Variants in RBFOX1 observed in about 807,000 individuals in gnomAD.
RBFOX1 encodes RNA binding fox-1 homolog 1.
Under a neutral mutation model 57.7 loss-of-function variants are expected in RBFOX1, and 8 were observed. The observed-to-expected ratio is 0.14, with a 90% confidence interval of 0.08 to 0.25. The LOEUF is 0.25. Among genes scored for constraint, RBFOX1 ranks in the 10% least tolerant of loss-of-function variants. The pLI, the probability that RBFOX1 is intolerant of heterozygous loss-of-function variation, is 1.00. For synonymous variants in RBFOX1, 326 were observed against 222.4 expected (o/e 1.47, Z -4.15); for missense variants, 611 against 548.5 (o/e 1.11, Z -1.14).
At chr16:6,501,807 C>T (rs1598364506) in intron 2 of RBFOX1, among the ~76,000 whole-genome samples, 1 of 144,792 alleles carries the variant, frequency 6.9e-6, no homozygotes, top group Non-Finnish European at 1.5e-5. Context: ...CCTCCAGGCT[C>T]TTTGCTGACA....
At chr16:6,307,527 A>G (rs940007640) in intron 1 of RBFOX1, among the ~76,000 whole-genome samples, 1 of 136,266 alleles carries the variant, frequency 7.3e-6, no homozygotes, top group Admixed American at 7.5e-5. Flanking sequence ...TCATTATATA[A>G]TATCATTTAA....
rs555069700 is a variant in RBFOX1 at position 7,109,727 on chromosome 16, G to C, written c.27+57629G>C. Among the ~76,000 whole-genome samples, 28 of 152,232 alleles carry C rather than the reference G, an allele frequency of 1.8e-4. No homozygotes were observed. The South Asian group carries it at 5.6e-3, about 30-fold the overall frequency. ...AAGGGTCTTGAGGTGGAAAAGAAGA[G>C]GGGTCATTCCAGATCCAAAAAATCG... On this transcript the variant is annotated intron_variant, in intron 4 of 15. Transcript: ENST00000550418.
chr16:7,052,569 TG>T, intron 4 of RBFOX1, among the ~76,000 whole-genome samples: 2 of 152,164 alleles, frequency 1.3e-5, no homozygotes, highest in Non-Finnish European at 2.9e-5. Flanking sequence ...TTGGTTTTAG[TG>T]ACATTTGTGT....
chr16:7,331,938 G>A (rs889341300), intron 4 of RBFOX1, among the ~76,000 whole-genome samples: 3 of 152,132 alleles, frequency 2.0e-5, no homozygotes, highest in African/African-American at 4.8e-5. Flanking sequence ...GTGCTTGAAT[G>A]TATTTTTTAT....
chr16:5,830,808 A>T (rs2056238895), intron 3 of RBFOX1, among the ~76,000 whole-genome samples: 2 of 152,128 alleles, frequency 1.3e-5, no homozygotes, highest in African/African-American at 4.8e-5. Flanking sequence ...TTTTATAAAT[A>T]GCTCAGGGTC....
chr16:7,374,535 C>T (rs7188141), intron 4 of RBFOX1, among the ~76,000 whole-genome samples: 1 of 152,020 alleles, frequency 6.6e-6, no homozygotes, highest in Non-Finnish European at 1.5e-5. Context: ...CTCAAGGAAT[C>T]TACCTGGCTC....
intron 2 of RBFOX1, among the ~76,000 whole-genome samples, chr16:5,530,472 T>G (rs1475967224): frequency 6.6e-6 from 1 of 152,190 alleles, no homozygotes; most frequent in Non-Finnish European, 1.5e-5. Flanking sequence ...GGACATGCAT[T>G]TCACCTCTAC....
chr16:6,787,994 G>C (rs184899866), intron 3 of RBFOX1, among the ~76,000 whole-genome samples: 1 of 81,832 alleles, frequency 1.2e-5, no homozygotes, highest in African/African-American at 2.8e-5. Flanking sequence ...AGTCCGAGGT[G>C]GGGGGACCGC....
intron 1 of RBFOX1, among the ~76,000 whole-genome samples, chr16:6,226,214 A>G (rs1011388715): frequency 1.3e-5 from 2 of 151,080 alleles, no homozygotes; most frequent in Non-Finnish European, 3.0e-5. Context: ...AAAAAAAAAA[A>G]AAAAAAAAAT....
intron 1 of RBFOX1, among the ~76,000 whole-genome samples, chr16:5,285,709 C>T (rs145694965): frequency 6.6e-6 from 1 of 152,264 alleles, no homozygotes; most frequent in African/African-American, 2.4e-5. Flanking sequence ...CATATGATTT[C>T]TTCAGCTGTA....
intron 14 of RBFOX1, among the ~76,000 whole-genome samples, chr16:7,705,579 G>C (rs1224282987): frequency 6.6e-6 from 1 of 152,220 alleles, no homozygotes; most frequent in Non-Finnish European, 1.5e-5. Flanking sequence ...AAGATTGAAA[G>C]AGGGACAGAG....
At chr16:7,660,194 G>T (rs1022407928) in intron 12 of RBFOX1, among the ~76,000 whole-genome samples, 1 of 151,896 alleles carries the variant, frequency 6.6e-6, no homozygotes, top group Non-Finnish European at 1.5e-5. Flanking sequence ...CTCCCTGCTC[G>T]CATTCATTCA....
At chr16:7,000,402 A>G (rs999095918) in intron 3 of RBFOX1, among the ~76,000 whole-genome samples, 50 of 151,988 alleles carry the variant, frequency 3.3e-4, no homozygotes, top group Non-Finnish European at 6.8e-4. Flanking sequence ...TTTGCAATCT[A>G]TTTGTTGAGG....
chr16:6,514,701 C>A (rs906365334), intron 2 of RBFOX1, among the ~76,000 whole-genome samples: 2 of 152,030 alleles, frequency 1.3e-5, no homozygotes, highest in East Asian at 1.9e-4. Flanking sequence ...CAAGGATCTA[C>A]CCTCCTCCAT....
At chr16:6,812,418 G>A (rs2088917796) in intron 3 of RBFOX1, among the ~76,000 whole-genome samples, 1 of 152,096 alleles carries the variant, frequency 6.6e-6, no homozygotes, top group Non-Finnish European at 1.5e-5. Flanking sequence ...TTGTCACCCA[G>A]GCTGGAGTGC....
At chr16:6,734,884 T>C (rs1040884582) in intron 3 of RBFOX1, among the ~76,000 whole-genome samples, 1 of 152,178 alleles carries the variant, frequency 6.6e-6, no homozygotes, top group African/African-American at 2.4e-5. Flanking sequence ...TGACGCCTAG[T>C]AAAGGTTATC....
At chr16:5,906,307 A>T (rs2058454592) in intron 4 of RBFOX1, among the ~76,000 whole-genome samples, 1 of 152,136 alleles carries the variant, frequency 6.6e-6, no homozygotes, top group Non-Finnish European at 1.5e-5. Context: ...AAAAAGGGGA[A>T]ATTTGGACAC....
At chr16:5,602,134 C>T (rs1033982997), downstream of RBFOX1, among the ~76,000 whole-genome samples, 1 of 152,216 alleles carries the variant, frequency 6.6e-6, no homozygotes, top group East Asian at 1.9e-4. Flanking sequence ...AGGTCAGCTT[C>T]CTGTCTTGCC....
chr16:6,372,731 G>A (rs2090624777), intron 2 of RBFOX1, among the ~76,000 whole-genome samples: 1 of 151,554 alleles, frequency 6.6e-6, no homozygotes, highest in African/African-American at 2.4e-5. Flanking sequence ...AGATTGGGTG[G>A]AAGTATAGTT....
Sources: allele counts gnomAD v4.1 joint callset (sites outside exome capture counted in the v4.1 genomes callset), GRCh38; gene constraint gnomAD v4.1.1; transcripts MANE v1.5; gene names NCBI Gene and HGNC (gene_info 2026-07-23, HGNC 2026-07-21).